Variants in PTPRD observed in about 807,000 individuals in gnomAD.
The protein encoded by PTPRD is receptor-type tyrosine-protein phosphatase delta.
PTPRD carries 34 observed loss-of-function variants against 214.5 expected under a neutral mutation model. The observed-to-expected ratio is 0.16, with a 90% confidence interval of 0.12 to 0.21. The LOEUF (loss-of-function observed/expected upper bound fraction) is 0.21. Ranked by LOEUF, PTPRD falls within the 10% of genes least tolerant of loss-of-function variation. PTPRD has a pLI of 1.00. For synonymous variants in PTPRD, 1,128 were observed against 845.7 expected (o/e 1.33, Z -5.79); for missense variants, 2,545 against 2,398.7 (o/e 1.06, Z -1.27).
rs763639636 is a variant in PTPRD at position 8,463,267 on chromosome 9, A to AT, written c.3714+2198dup. Among the ~76,000 whole-genome samples the AT allele has an allele frequency of 2.6e-4, 39 of 149,346 alleles. 1 individual carries two copies. The South Asian group carries it at 7.8e-3, about 30-fold the overall frequency. On this transcript the variant is annotated intron_variant, in intron 32 of 45. Coordinates refer to ENST00000381196, the MANE Select transcript of PTPRD (RefSeq NM_002839.4). Reference sequence around the variant, plus strand: ...AGATTTTCTAACGCATTACAAGAAGATAAAAACTCAGTATATATGTCCAAG... The same window carrying AT: ...AGATTTTCTAACGCATTACAAGAAGATTAAAAACTCAGTATATATGTCCAAG...
chr9:8,506,188 T>C (rs970566792), intron 22 of PTPRD, among the ~76,000 whole-genome samples: 1 of 152,202 alleles, frequency 6.6e-6, no homozygotes, highest in Admixed American at 6.5e-5. Flanking sequence ...TCATTTAGCA[T>C]GTGAGTTTTT....
At chr9:10,056,471 G>A (rs2097651239) in intron 3 of PTPRD, among the ~76,000 whole-genome samples, 2 of 151,222 alleles carry the variant, frequency 1.3e-5, no homozygotes, top group South Asian at 4.2e-4. Context: ...GAATAAAGAA[G>A]TCAGTCTTTT....
chr9:8,872,767 G>A (rs1255594253), intron 11 of PTPRD, among the ~76,000 whole-genome samples: 2 of 152,076 alleles, frequency 1.3e-5, no homozygotes, highest in Admixed American at 1.3e-4. Context: ...TTTTCAGAAA[G>A]AACAAATTTT....
chr9:9,534,642 G>A (rs563256750), intron 8 of PTPRD, among the ~76,000 whole-genome samples: 9 of 152,062 alleles, frequency 5.9e-5, no homozygotes, highest in African/African-American at 2.2e-4. Context: ...CAGGAATAAC[G>A]CTTTTTAAAG....
intron 3 of PTPRD, among the ~76,000 whole-genome samples, chr9:10,062,287 C>G (rs1174613018): frequency 2.0e-5 from 3 of 151,998 alleles, no homozygotes; most frequent in Non-Finnish European, 4.4e-5. Context: ...AATCCATTAG[C>G]CTTTCTATGG....
intron 6 of PTPRD, among the ~76,000 whole-genome samples, chr9:9,747,539 GTTTTTTTT>G (rs35627464): frequency 7.5e-6 from 1 of 132,850 alleles, no homozygotes; most frequent in Admixed American, 7.6e-5. Flanking sequence ...AATCTTTTTT[GTTTTTTTT>G]TTTTTTTTTT....
chr9:9,131,309 C>G (rs1177296655), intron 10 of PTPRD, among the ~76,000 whole-genome samples: 3 of 152,036 alleles, frequency 2.0e-5, no homozygotes, highest in Admixed American at 2.0e-4. Flanking sequence ...ACAAAAATAT[C>G]ATTTTGAAGA....
At chr9:8,968,915 C>T (rs865971589) in intron 11 of PTPRD, among the ~76,000 whole-genome samples, 1 of 151,866 alleles carries the variant, frequency 6.6e-6, no homozygotes, top group Non-Finnish European at 1.5e-5. Flanking sequence ...GGAAAAAGTT[C>T]ACAAAAATCA....
chr9:9,547,911 G>A (rs1044987077), intron 8 of PTPRD, among the ~76,000 whole-genome samples: 1 of 151,418 alleles, frequency 6.6e-6, no homozygotes, highest in East Asian at 2.0e-4. Context: ...AAGAAAAAAA[G>A]GCTTATTATA....
intron 21 of PTPRD, among the ~76,000 whole-genome samples, chr9:8,512,842 T>C (rs1392085628): frequency 6.6e-6 from 1 of 152,044 alleles, no homozygotes; most frequent in African/African-American, 2.4e-5. Context: ...CTAATTAGCA[T>C]GAACATCAAG....
At chr9:8,923,784 G>T in intron 11 of PTPRD, among the ~76,000 whole-genome samples, 1 of 152,174 alleles carries the variant, frequency 6.6e-6, no homozygotes, top group East Asian at 1.9e-4. Flanking sequence ...ACCAGGACAT[G>T]TGGCTCTACG....
intron 5 of PTPRD, among the ~76,000 whole-genome samples, chr9:9,818,912 T>C (rs1411427672): frequency 9.0e-5 from 7 of 78,184 alleles, no homozygotes; most frequent in African/African-American, 5.8e-4. Flanking sequence ...CAAGACACTG[T>C]CTCAAAAAAA....
At chr9:8,868,123 A>G (rs2098231100) in intron 11 of PTPRD, among the ~76,000 whole-genome samples, 1 of 152,126 alleles carries the variant, frequency 6.6e-6, no homozygotes, top group Non-Finnish European at 1.5e-5. Context: ...ACCTTTTAAA[A>G]CATATGTGCC....
In PTPRD at chr9:8,454,730, G is replaced by A. The variant is rs916334038; in HGVS notation, c.3876-4893C>T. On this transcript the variant is annotated intron_variant, in intron 33 of 45. Transcript: ENST00000381196. ...AGGACACATAACTGACATACATTCA[G>A]AAGCGACAGCGAATCAAAATATTTA... is the stretch of plus-strand genomic sequence containing the variant. 3 of 885,648 alleles carry A rather than the reference G, an allele frequency of 3.4e-6. No homozygotes were observed. The African/African-American group carries it at 5.1e-5, about 15-fold the overall frequency. 54.9% of individuals were successfully genotyped at this position (885,648 alleles called of 1,614,324 possible). A position where few individuals can be genotyped will look rare whatever the true frequency, so the allele number is the denominator to read the frequency against.
At chr9:9,408,099 T>C (rs1156960806) in intron 8 of PTPRD, among the ~76,000 whole-genome samples, 1 of 151,784 alleles carries the variant, frequency 6.6e-6, no homozygotes, top group Non-Finnish European at 1.5e-5. Context: ...AAAGTAACAT[T>C]GGCAGTAGAG....
intron 2 of PTPRD, among the ~76,000 whole-genome samples, chr9:10,419,680 C>A (rs1023017207): frequency 2.0e-5 from 3 of 151,672 alleles, no homozygotes; most frequent in Non-Finnish European, 4.4e-5. Context: ...TTGTCTTCAT[C>A]TTATGAAGTG....
rs1482394969 is a variant in PTPRD, at chr9:9,084,922, TA to T, written c.-142-66188del. 2.0e-5 allele frequency among the ~76,000 whole-genome samples: 3 copies of T among 152,296 alleles called. No homozygotes were observed. The East Asian group carries it at 5.8e-4, about 29-fold the overall frequency. ...TTTCTCATATGTATTTTTAAGACTATAAAATGAAGAAAACTTTTCATCAACC... is the reference window on the plus strand; with the variant it reads ...TTTCTCATATGTATTTTTAAGACTATAAATGAAGAAAACTTTTCATCAACC... On this transcript the variant is annotated intron_variant, in intron 10 of 45. Transcript: ENST00000381196.
At chr9:10,090,919 TAC>T (rs1162698970) in intron 3 of PTPRD, among the ~76,000 whole-genome samples, 9,896 of 99,324 alleles carry the variant, frequency 0.1, 934 homozygotes, top group African/African-American at 0.3. Context: ...AAATGAAATA[TAC>T]ACACACACAC....
At chr9:9,403,360 G>T (rs1225901675) in intron 8 of PTPRD, among the ~76,000 whole-genome samples, 2 of 146,886 alleles carry the variant, frequency 1.4e-5, no homozygotes, top group Non-Finnish European at 1.5e-5. Flanking sequence ...TGTACGAATT[G>T]TGATATCACA....
Sources: gnomAD v4.1 joint callset for allele counts (sites outside exome capture counted in the v4.1 genomes callset) on GRCh38, gnomAD v4.1.1 for gene constraint, MANE v1.5 for transcripts, NCBI Gene and HGNC (gene_info 2026-07-23, HGNC 2026-07-21) for gene names.